Variants in ADD1 observed in about 807,000 individuals in gnomAD.
ADD1 encodes adducin 1.
Under a neutral mutation model 80.5 loss-of-function variants are expected in ADD1, and 24 were observed. The observed-to-expected ratio is 0.30, with a 90% confidence interval of 0.22 to 0.42. The LOEUF (loss-of-function observed/expected upper bound fraction) is 0.42, where lower values mean the gene tolerates loss of function less well. ADD1 is among the 10% of genes least tolerant of loss of function. The pLI, the probability that ADD1 is intolerant of heterozygous loss-of-function variation, is 1.00. For synonymous variants in ADD1, 373 were observed against 393.8 expected, an observed-to-expected ratio of 0.95 and a Z score of 0.63; for missense variants, 948 against 1,019.0, an observed-to-expected ratio of 0.93 and a Z score of 0.95.
chr4:2,894,180 C>T, intron 5 of ADD1, 87 bp downstream of exon 5: 1 of 1,107,268 alleles, frequency 9.0e-7, no homozygotes, highest in South Asian at 1.3e-5. Context: ...TATGTAAAAC[C>T]CAAGAAACAA....
At chr4:2,880,771 G>T (rs766551112) in intron 2 of ADD1, among the ~76,000 whole-genome samples, 5 of 151,918 alleles carry the variant, frequency 3.3e-5, no homozygotes, top group Admixed American at 6.6e-5. Context: ...CACCATGCCT[G>T]GCCGATATTT....
chr4:2,911,453 T>A (rs1296456723), intron 13 of ADD1, among the ~76,000 whole-genome samples: 61 of 147,476 alleles, frequency 4.1e-4, no homozygotes, highest in African/African-American at 1.3e-3. Flanking sequence ...TATATATTTT[T>A]TTTTTTTTTT....
At chr4:2,899,732 C>A in intron 9 of ADD1, 1 of 425,012 alleles carries the variant, frequency 2.4e-6, no homozygotes, top group Admixed American at 3.6e-5. Context: ...CAGCTCAGTC[C>A]CCACCATCCC....
intron 8 of ADD1, 39 bp downstream of exon 8, chr4:2,898,570 A>G (rs1366492138): frequency 6.4e-7 from 1 of 1,560,314 alleles, no homozygotes; most frequent in Non-Finnish European, 8.8e-7. Flanking sequence ...CAGTTTATTT[A>G]GATGTGTCTG....
At chr4:2,912,907 C>T (rs944727525) in intron 13 of ADD1, among the ~76,000 whole-genome samples, 5 of 152,164 alleles carry the variant, frequency 3.3e-5, no homozygotes, top group Non-Finnish European at 5.9e-5. Context: ...TGCAGTGGCG[C>T]AATCTCGGCT....
chr4:2,859,058 G>A (rs1190641138), intron 1 of ADD1, among the ~76,000 whole-genome samples: 1 of 152,174 alleles, frequency 6.6e-6, no homozygotes, highest in Non-Finnish European at 1.5e-5. Flanking sequence ...GCGCCTCTAT[G>A]TCTGTGGGGA....
At chr4:2,918,526 C>T (rs182293097) in intron 14 of ADD1, among the ~76,000 whole-genome samples, 45 of 152,222 alleles carry the variant, frequency 3.0e-4, no homozygotes, top group African/African-American at 9.4e-4. Context: ...GCCTGATTGC[C>T]GTGGCCAGAA....
chr4:2,924,580 C>T (rs1031746444), intron 14 of ADD1, among the ~76,000 whole-genome samples: 24 of 152,242 alleles, frequency 1.6e-4, no homozygotes, highest in African/African-American at 5.5e-4. Context: ...CCGTCGTCAT[C>T]CTGGGAGCTA....
At chr4:2,899,139 T>C in intron 8 of ADD1, 120 bp from the exon 9 acceptor site, 1 of 1,043,118 alleles carries the variant, frequency 9.6e-7, no homozygotes, top group Non-Finnish European at 1.4e-6. Context: ...CCATTCTACA[T>C]TTTTTATTCT....
At chr4:2,878,990 A>G (rs116490121) in intron 2 of ADD1, among the ~76,000 whole-genome samples, 2,806 of 152,094 alleles carry the variant, frequency 0.018, 59 homozygotes, top group African/African-American at 0.046. Flanking sequence ...GATTGAAGAG[A>G]GACATGGTTA....
At chr4:2,851,071 A>C (rs901370608) in intron 1 of ADD1, among the ~76,000 whole-genome samples, 9 of 152,304 alleles carry the variant, frequency 5.9e-5, no homozygotes, top group African/African-American at 2.2e-4. Context: ...TCATTTAGAG[A>C]CAGTCTTGCT....
intron 5 of ADD1, 69 bp downstream of exon 5, chr4:2,894,162 C>T (rs1219735082): frequency 1.6e-6 from 2 of 1,255,872 alleles, no homozygotes; most frequent in Non-Finnish European, 2.3e-6. Flanking sequence ...ATCTTCAGAT[C>T]AGCTAAATAT....
intron 6 of ADD1, 55 bp downstream of exon 6, chr4:2,894,786 C>G: frequency 5.2e-6 from 8 of 1,531,990 alleles, no homozygotes; most frequent in Non-Finnish European, 5.2e-6. Flanking sequence ...GTGAAAGGCA[C>G]TGCACGTTTC....
chr4:2,907,242 C>CTGA (rs1411447296), intron 10 of ADD1: 2 of 154,382 alleles, frequency 1.3e-5, no homozygotes, highest in Non-Finnish European at 2.9e-5. Flanking sequence ...ACAGTGCATT[C>CTGA]TGATGCTGTC....
chr4:2,911,312 T>G (rs1188936216), intron 13 of ADD1, among the ~76,000 whole-genome samples: 1 of 152,138 alleles, frequency 6.6e-6, no homozygotes, highest in African/African-American at 2.4e-5. Context: ...ATTCCCACAG[T>G]GCAAGTGTTG....
intron 1 of ADD1, among the ~76,000 whole-genome samples, chr4:2,859,870 C>G (rs773956880): frequency 6.6e-6 from 1 of 151,576 alleles, no homozygotes; most frequent in South Asian, 2.1e-4. Flanking sequence ...TAATGACATA[C>G]TTTTCCATCT....
At position 2,904,898 on chromosome 4, in the gene ADD1, A is replaced by T; in HGVS notation, c.1296A>T (p.Pro432=). 1 of 1,614,144 alleles carries T rather than the reference A, an allele frequency of 6.2e-7. No homozygotes were observed. The highest frequency in any genetic ancestry group is 8.5e-7 in the Non-Finnish European group (1 of 1,180,024). The change falls in exon 10 of 16, where the codon CCA becomes CCT. Residue 432 remains proline (P), a synonymous_variant. Coordinates refer to ENST00000683351, the MANE Select transcript of ADD1 (RefSeq NM_001354761.2). The part of the protein sequence containing the change: ...ASDGDSGTCS[P]LRHSFQKQQR... Reference sequence around the variant, plus strand: ...ACGGTGATTCGGGCACTTGCTCCCCACTCAGACACAGTTTTCAGAAGCAGC... The same window carrying T: ...ACGGTGATTCGGGCACTTGCTCCCCTCTCAGACACAGTTTTCAGAAGCAGC...
intron 1 of ADD1, among the ~76,000 whole-genome samples, chr4:2,872,277 T>G (rs1005904750): frequency 6.6e-6 from 1 of 152,234 alleles, no homozygotes; most frequent in Non-Finnish European, 1.5e-5. Context: ...TATCAATATA[T>G]TGTTGATGGT....
At chr4:2,917,461 T>G (rs1739281316) in intron 14 of ADD1, among the ~76,000 whole-genome samples, 1 of 152,228 alleles carries the variant, frequency 6.6e-6, no homozygotes, top group Non-Finnish European at 1.5e-5. Flanking sequence ...TTGCAAAAAT[T>G]TTCTCCCATT....
Sources: allele counts gnomAD v4.1 joint callset (sites outside exome capture counted in the v4.1 genomes callset), GRCh38; gene constraint gnomAD v4.1.1; transcripts MANE v1.5; gene names NCBI Gene and HGNC (gene_info 2026-07-23, HGNC 2026-07-21).